The following MGST1 variants were observed in gnomAD, a reference collection of about 807,000 sequenced individuals.
MGST1 encodes the protein glutathione S-transferase 12.
In MGST1, 5 loss-of-function variants were observed where a neutral mutation model predicts 8.9. The observed-to-expected ratio is 0.56, with a 90% CI of 0.29 to 1.19. The LOEUF (loss-of-function observed/expected upper bound fraction) is 1.19. Ranked by LOEUF, MGST1 falls within the 50% of genes most tolerant of loss-of-function variation. The pLI is 0.08. For synonymous variants in MGST1, 54 were observed against 67.8 expected (o/e 0.80, Z 1.00); for missense variants, 182 against 187.4 (o/e 0.97, Z 0.17).
chr12:16,480,377 G>T (rs1350639759), intron 4 of MGST1, among the ~76,000 whole-genome samples: 1 of 151,990 alleles, frequency 6.6e-6, no homozygotes, highest in Admixed American at 6.6e-5. Context: ...TCTTGACCTT[G>T]TGATCTGCCC....
chr12:16,560,297 A>T lies in MGST1; in HGVS notation n.483-29231A>T. The T allele has an allele frequency of 8.4e-7, 1 of 1,193,050 alleles. No individual in the cohort carries two copies. The highest frequency in any genetic ancestry group is 1.8e-5 in the South Asian group (1 of 56,680). 73.9% of individuals were successfully genotyped at this position (1,193,050 alleles called of 1,614,324 possible). A position where few individuals can be genotyped will look rare whatever the true frequency, so the allele number is the denominator to read the frequency against. On this transcript the variant is annotated intron_variant and non_coding_transcript_variant, in intron 4 of 4. Coordinates refer to the MGST1 transcript ENST00000538857. The surrounding 1 kb of genome is among the most constrained non-coding windows in gnomAD (Gnocchi z 5.0). ...GGCATGGGATTAAAGTTTACAGAAC[A>T]GAAAAACGCTGAGATTGATTGCTTT...
chr12:16,394,816 C>T (rs561193076), intron 1 of MGST1, among the ~76,000 whole-genome samples: 1 of 152,074 alleles, frequency 6.6e-6, no homozygotes, highest in South Asian at 2.1e-4. Context: ...AGGCTGGTCT[C>T]CAAGTCTTAG....
At chr12:16,474,428 C>T (rs951776681) in intron 4 of MGST1, among the ~76,000 whole-genome samples, 11 of 152,134 alleles carry the variant, frequency 7.2e-5, no homozygotes, top group Non-Finnish European at 1.5e-4. Flanking sequence ...AACCTTTGTG[C>T]TTATTGGATT....
At position 16,513,090 on chromosome 12, in the gene MGST1, A is replaced by AT. The variant is rs2137181011; in HGVS notation, n.483-76437dup. On this transcript the variant is annotated intron_variant and non_coding_transcript_variant, in intron 4 of 4. Coordinates refer to the MGST1 transcript ENST00000538857. The surrounding 1 kb of genome is among the most constrained non-coding windows in gnomAD (Gnocchi z 4.2). ...CATATCTGCTTCTCTAGTTATCATT[A>AT]TCAAACAAATCATTCTTTCATGTGT... Among the ~76,000 whole-genome samples the AT allele has an allele frequency of 6.6e-6, 1 of 152,364 alleles. No individual in the cohort carries two copies. The highest frequency in any genetic ancestry group is 6.5e-5 in the Admixed American group (1 of 15,306).
intron 4 of MGST1, among the ~76,000 whole-genome samples, chr12:16,529,330 C>T (rs530280099): frequency 2.0e-5 from 3 of 152,048 alleles, no homozygotes; most frequent in African/African-American, 7.2e-5. Flanking sequence ...TGATAGTCTG[C>T]GAATTTAAGT....
intron 4 of MGST1, among the ~76,000 whole-genome samples, chr12:16,515,129 C>G (rs1444729739): frequency 6.6e-6 from 1 of 152,178 alleles, no homozygotes; most frequent in East Asian, 1.9e-4. Context: ...GCAACCTTAT[C>G]AACAGACCAT....
intron 4 of MGST1, among the ~76,000 whole-genome samples, chr12:16,498,614 G>A (rs1010202503): frequency 2.0e-5 from 3 of 152,190 alleles, no homozygotes; most frequent in Admixed American, 1.3e-4. Flanking sequence ...CAGAGCATGT[G>A]AGGCTAATCA....
chr12:16,562,551 A>C (rs1220638160), intron 4 of MGST1, among the ~76,000 whole-genome samples: 1 of 152,192 alleles, frequency 6.6e-6, no homozygotes, highest in Non-Finnish European at 1.5e-5. Context: ...CAAACCATTG[A>C]TCATCAGCCT....
chr12:16,349,034 A>G (rs1037625269), intron 1 of MGST1: 1 of 152,162 alleles, frequency 6.6e-6, no homozygotes, highest in African/African-American at 2.4e-5. Flanking sequence ...ATGAGACCAC[A>G]TAGTGGGCTG....
At chr12:16,436,212 A>G (rs1459775576) in intron 1 of MGST1, among the ~76,000 whole-genome samples, 2 of 151,956 alleles carry the variant, frequency 1.3e-5, no homozygotes, top group Non-Finnish European at 2.9e-5. Flanking sequence ...ATAAGGAGAA[A>G]TCTATCAAAT....
intron 4 of MGST1, among the ~76,000 whole-genome samples, chr12:16,574,182 G>C (rs977212584): frequency 6.6e-6 from 1 of 151,826 alleles, no homozygotes; most frequent in Non-Finnish European, 1.5e-5. Context: ...AAGACAGTAG[G>C]GCTAGAAATT....
chr12:16,563,416 T>C (rs968995455), intron 4 of MGST1, among the ~76,000 whole-genome samples: 7 of 152,210 alleles, frequency 4.6e-5, no homozygotes, highest in Non-Finnish European at 8.8e-5. Flanking sequence ...TTTCCAAACA[T>C]GACATTTGGG....
At chr12:16,432,400 G>A (rs1020026867) in intron 1 of MGST1, among the ~76,000 whole-genome samples, 1 of 151,936 alleles carries the variant, frequency 6.6e-6, no homozygotes, top group Non-Finnish European at 1.5e-5. Context: ...TTTGGAGTGG[G>A]GAGAATGAGT....
intron 4 of MGST1, among the ~76,000 whole-genome samples, chr12:16,530,041 A>G (rs1941712688): frequency 6.6e-6 from 1 of 152,142 alleles, no homozygotes. Context: ...TTCACAACTC[A>G]GAGCAAATAG....
At chr12:16,512,137 C>G (rs908164475) in intron 4 of MGST1, among the ~76,000 whole-genome samples, 6 of 151,754 alleles carry the variant, frequency 4.0e-5, no homozygotes, top group Admixed American at 2.6e-4. Flanking sequence ...TTTTAGATTG[C>G]TAGTTCTTTT....
chr12:16,435,370 G>C (rs914733960), intron 1 of MGST1, among the ~76,000 whole-genome samples: 12 of 151,710 alleles, frequency 7.9e-5, no homozygotes, highest in Non-Finnish European at 1.2e-4. Flanking sequence ...TACTACTAAG[G>C]ATTTTCTTTT....
chr12:16,405,756 A>G (rs776540194), intron 1 of MGST1, among the ~76,000 whole-genome samples: 1 of 152,216 alleles, frequency 6.6e-6, no homozygotes, highest in Non-Finnish European at 1.5e-5. Context: ...GGTTGGTCCA[A>G]CATACACAAA....
At chr12:16,543,135 A>G (rs886755401) in intron 4 of MGST1, among the ~76,000 whole-genome samples, 1 of 152,204 alleles carries the variant, frequency 6.6e-6, no homozygotes, top group Non-Finnish European at 1.5e-5. Context: ...TCCTCACAGA[A>G]CATGGCTGAG....
chr12:16,455,575 G>A (rs927860770), intron 4 of MGST1, among the ~76,000 whole-genome samples: 4 of 151,784 alleles, frequency 2.6e-5, no homozygotes, highest in African/African-American at 9.7e-5. Flanking sequence ...AGAGGATAAA[G>A]TAGATGATGC....
Sources: allele counts gnomAD v4.1 joint callset (sites outside exome capture counted in the v4.1 genomes callset), GRCh38; gene constraint gnomAD v4.1.1; non-coding constraint Gnocchi (gnomAD v3.1); transcripts MANE v1.5; gene names NCBI Gene and HGNC (gene_info 2026-07-23, HGNC 2026-07-21).